The following PKN2 variants were observed in gnomAD, a reference collection of about 807,000 sequenced individuals.
PKN2 encodes serine/threonine-protein kinase N2.
Under a neutral mutation model 119.1 loss-of-function variants are expected in PKN2, and 38 were observed. That is an observed-to-expected ratio of 0.32 (90% CI 0.25 to 0.42). The LOEUF (loss-of-function observed/expected upper bound fraction) is 0.42. Among genes scored for constraint, PKN2 ranks in the 10% least tolerant of loss-of-function variants. The pLI, the probability that PKN2 is intolerant of heterozygous loss-of-function variation, is 1.00. For synonymous variants in PKN2, 390 were observed against 384.9 expected, an observed-to-expected ratio of 1.01 and a Z score of -0.15; for missense variants, 850 against 1,165.1, an observed-to-expected ratio of 0.73 and a Z score of 3.94.
At chr1:88,711,180 TA>T (rs1667220294) in intron 1 of PKN2, among the ~76,000 whole-genome samples, 1 of 151,914 alleles carries the variant, frequency 6.6e-6, no homozygotes. Flanking sequence ...TTAGGAAAAA[TA>T]ACTAATGAGT....
At chr1:88,774,250 A>G (rs1670001422) in intron 6 of PKN2, among the ~76,000 whole-genome samples, 1 of 152,130 alleles carries the variant, frequency 6.6e-6, no homozygotes, top group African/African-American at 2.4e-5. Context: ...GGTGTGCAGA[A>G]TTTTCATTGG....
intron 8 of PKN2, 71 bp downstream of exon 8, chr1:88,786,284 G>T (rs1670570013): frequency 4.0e-6 from 3 of 745,498 alleles, no homozygotes; most frequent in African/African-American, 1.8e-5. Flanking sequence ...TTTTTTAGAA[G>T]GCTTCAACAA....
intron 1 of PKN2, among the ~76,000 whole-genome samples, chr1:88,738,270 A>G: frequency 6.6e-6 from 1 of 152,236 alleles, no homozygotes; most frequent in East Asian, 1.9e-4. Flanking sequence ...AAAAAGGGGT[A>G]ATTGTTTCAA....
At chr1:88,807,239 C>T in intron 12 of PKN2, 74 bp from the exon 13 acceptor site, 15 of 985,166 alleles carry the variant, frequency 1.5e-5, no homozygotes, top group South Asian at 4.4e-5. Context: ...AATGTTTTTC[C>T]TTAATTTTAT....
At chr1:88,804,286 T>G in intron 8 of PKN2, 105 bp from the exon 9 acceptor site, 1 of 849,006 alleles carries the variant, frequency 1.2e-6, no homozygotes, top group Non-Finnish European at 1.8e-6. Flanking sequence ...GTGTGTAATT[T>G]TTGTTTATTG....
chr1:88,813,837 T>C (rs1671876218), intron 16 of PKN2, 104 bp downstream of exon 16: 2 of 910,940 alleles, frequency 2.2e-6, no homozygotes, highest in Admixed American at 2.7e-5. Flanking sequence ...TAACAGAAAA[T>C]AGATCTCTGC....
intron 16 of PKN2, among the ~76,000 whole-genome samples, 197 bp from the exon 17 acceptor site, chr1:88,821,744 T>A (rs1266449574): frequency 6.6e-6 from 1 of 152,232 alleles, no homozygotes; most frequent in African/African-American, 2.4e-5. Flanking sequence ...AGTTAATGGC[T>A]TCCATTGTCA....
rs1671454292 is a variant in PKN2 at position 88,804,430 on chromosome 1, C to CACACAA, written c.1321_1322insACACAA (p.Trp440_Arg441insHisThr). ...AATTTCAGTTTATTGGCGTGATTGG[C>CACACAA]GGTCTCTGTGTGCTGTAAAATTTCT... On this transcript the variant is annotated inframe_insertion, in exon 9 of 22. Transcript: ENST00000370521. The CACACAA allele has an allele frequency of 6.2e-7, 1 of 1,611,908 alleles. No individual in the cohort carries two copies. Among genetic ancestry groups the CACACAA allele is most frequent in the Non-Finnish European group, 8.5e-7 (1 of 1,178,844 alleles).
At chr1:88,801,424 A>T (rs1671306597) in intron 8 of PKN2, among the ~76,000 whole-genome samples, 1 of 152,162 alleles carries the variant, frequency 6.6e-6, no homozygotes, top group South Asian at 2.1e-4. Flanking sequence ...GGTAAACATT[A>T]GTGACATCTT....
At chr1:88,718,604 C>T (rs1420987786) in intron 1 of PKN2, among the ~76,000 whole-genome samples, 1 of 152,120 alleles carries the variant, frequency 6.6e-6, no homozygotes, top group Admixed American at 6.5e-5. Flanking sequence ...AGTAACATGG[C>T]ATTTGAACTG....
At position 88,751,189 on chromosome 1, in the gene PKN2, C is replaced by T. The variant is rs188866451; in HGVS notation, c.350-9033C>T. On this transcript the variant is annotated intron_variant, in intron 2 of 21. Transcript: ENST00000370521. Reference sequence around the variant, plus strand: ...CTTTTTACCTCTCTATACTTAGGCACGTGTGTGTGTGTAGATTAGCAGAAT... The same window carrying T: ...CTTTTTACCTCTCTATACTTAGGCATGTGTGTGTGTGTAGATTAGCAGAAT... 1.6e-4 allele frequency among the ~76,000 whole-genome samples: 24 copies of T among 151,956 alleles called. 1 individual carries two copies. The highest frequency in any genetic ancestry group is 7.9e-4 in the Admixed American group (12 of 15,260).
intron 6 of PKN2, chr1:88,781,300 G>T (rs1670332641): frequency 3.6e-6 from 1 of 274,878 alleles, no homozygotes; most frequent in Non-Finnish European, 6.3e-6. Context: ...AGGTATAATT[G>T]TTTTTTTGTT....
chr1:88,807,222 CTT>C (rs1671582133), intron 12 of PKN2, 89 bp from the exon 13 acceptor site: 2 of 955,692 alleles, frequency 2.1e-6, no homozygotes, highest in Admixed American at 2.7e-5. Flanking sequence ...TTTATATTGA[CTT>C]TTGAAATGTT....
chr1:88,744,800 C>T (rs1044047427), intron 2 of PKN2, among the ~76,000 whole-genome samples: 1 of 152,144 alleles, frequency 6.6e-6, no homozygotes, highest in African/African-American at 2.4e-5. Context: ...GGATTTTTAT[C>T]AGATGAACTT....
chr1:88,813,812 T>C (rs540494699), intron 16 of PKN2, 79 bp downstream of exon 16: 1 of 1,218,832 alleles, frequency 8.2e-7, no homozygotes, highest in East Asian at 2.6e-5. Flanking sequence ...TCTTTGAATT[T>C]TAGATTTTTT....
At chr1:88,714,502 C>A (rs1225993023) in intron 1 of PKN2, among the ~76,000 whole-genome samples, 1 of 152,026 alleles carries the variant, frequency 6.6e-6, no homozygotes, top group Non-Finnish European at 1.5e-5. Context: ...CTTCACATCC[C>A]TTGTAAGTTG....
intron 6 of PKN2, among the ~76,000 whole-genome samples, chr1:88,778,837 C>T (rs1417038320): frequency 6.6e-6 from 1 of 152,150 alleles, no homozygotes; most frequent in East Asian, 1.9e-4. Flanking sequence ...CCTCAGCCTC[C>T]AGAGTAGCTG....
chr1:88,817,280 CAG>C lies in PKN2; in HGVS notation c.2279+3549_2279+3550del, dbSNP rs201708211. Among the ~76,000 whole-genome samples the C allele has an allele frequency of 7.4e-4, 112 of 152,112 alleles. 1 individual carries two copies. The East Asian group carries it at 0.021, about 28-fold the overall frequency. Reference sequence around the variant, plus strand: ...CAATAAACGTAATCCATCACATAAACAGAACCAATGACAAAAACTACATGATT... The same window carrying C: ...CAATAAACGTAATCCATCACATAAACAACCAATGACAAAAACTACATGATT... On this transcript the variant is annotated intron_variant, in intron 16 of 21. Transcript: ENST00000370521.
chr1:88,734,479 GC>G (rs1467407864), intron 1 of PKN2, among the ~76,000 whole-genome samples: 4 of 151,988 alleles, frequency 2.6e-5, no homozygotes, highest in East Asian at 3.9e-4. Context: ...AGTGTACTTG[GC>G]CCCTTTGTCA....
Sources: gnomAD v4.1 joint callset for allele counts (sites outside exome capture counted in the v4.1 genomes callset) on GRCh38, gnomAD v4.1.1 for gene constraint, MANE v1.5 for transcripts, NCBI Gene and HGNC (gene_info 2026-07-23, HGNC 2026-07-21) for gene names.